Variants in CAMTA1 observed in about 807,000 individuals in gnomAD.
The protein encoded by CAMTA1 is calmodulin binding transcription activator 1.
Under a neutral mutation model 170.9 loss-of-function variants are expected in CAMTA1, and 27 were observed. That is an observed-to-expected ratio of 0.16 (90% CI 0.12 to 0.22). The LOEUF (loss-of-function observed/expected upper bound fraction) is 0.22, where lower values mean the gene tolerates loss of function less well. CAMTA1 is among the 10% of genes least tolerant of loss of function. The probability of loss-of-function intolerance (pLI) is 1.00; values close to 1 mark genes in which losing one functional copy is unlikely to be tolerated. For synonymous variants in CAMTA1, 833 were observed against 891.5 expected (o/e 0.93, Z 1.17); for missense variants, 1,619 against 2,217.2 (o/e 0.73, Z 5.42).
chr1:6,979,426 T>C (rs547947988), intron 3 of CAMTA1, among the ~76,000 whole-genome samples: 1 of 152,304 alleles, frequency 6.6e-6, no homozygotes, highest in East Asian at 1.9e-4. Context: ...ATTTAAACCG[T>C]GTGCATATGG....
At chr1:6,888,683 A>G (rs1464633058) in intron 3 of CAMTA1, among the ~76,000 whole-genome samples, 2 of 152,272 alleles carry the variant, frequency 1.3e-5, no homozygotes, top group Non-Finnish European at 2.9e-5. Context: ...GATTACTTAG[A>G]TAATACTAAC....
intron 1 of CAMTA1, among the ~76,000 whole-genome samples, chr1:6,797,569 C>G (rs1016098326): frequency 1.3e-5 from 2 of 150,464 alleles, no homozygotes; most frequent in Admixed American, 6.6e-5. Flanking sequence ...TTTTTTTTAG[C>G]AGAGACGGGG....
chr1:7,607,207 G>A (rs990203539), intron 6 of CAMTA1, among the ~76,000 whole-genome samples: 11 of 151,540 alleles, frequency 7.3e-5, no homozygotes, highest in African/African-American at 2.4e-4. Context: ...ATGGGTAGGT[G>A]GATGGATGGA....
chr1:7,185,086 G>A (rs1448228326), intron 4 of CAMTA1, among the ~76,000 whole-genome samples: 1 of 152,194 alleles, frequency 6.6e-6, no homozygotes, highest in Non-Finnish European at 1.5e-5. Context: ...AGTGAAGGGA[G>A]TTACACATAT....
At chr1:7,080,568 T>C (rs570134762) in intron 3 of CAMTA1, among the ~76,000 whole-genome samples, 3 of 152,290 alleles carry the variant, frequency 2.0e-5, no homozygotes, top group Non-Finnish European at 4.4e-5. Context: ...AGAGTTTTGC[T>C]CTGTCACTCA....
intron 1 of CAMTA1, among the ~76,000 whole-genome samples, chr1:6,812,207 C>A (rs560660281): frequency 2.6e-5 from 4 of 152,286 alleles, no homozygotes; most frequent in South Asian, 2.1e-4. Context: ...AGGGAGAGAA[C>A]CGTGTTTTCT....
At position 7,651,038 on chromosome 1, in the gene CAMTA1, G is replaced by A. The variant is rs116782557; in HGVS notation, c.664+10485G>A. Among the ~76,000 whole-genome samples, 624 of 152,226 alleles carry A rather than the reference G, an allele frequency of 4.1e-3. 9 individuals carry two copies. Among genetic ancestry groups the A allele is most frequent in the African/African-American group, 0.015 (605 of 41,536 alleles). Reference sequence around the variant, plus strand: ...GAGGCACGTGGCCGCTCCCTCTCCCGTCCGCCTCCGGCACGTGGTTCATAA... The same window carrying A: ...GAGGCACGTGGCCGCTCCCTCTCCCATCCGCCTCCGGCACGTGGTTCATAA... On this transcript the variant is annotated intron_variant, in intron 7 of 22. Coordinates refer to ENST00000303635, the MANE Select transcript of CAMTA1 (RefSeq NM_015215.4).
chr1:7,322,723 T>A (rs1430704633), intron 5 of CAMTA1, among the ~76,000 whole-genome samples: 1 of 152,270 alleles, frequency 6.6e-6, no homozygotes, highest in Non-Finnish European at 1.5e-5. Context: ...CTTCTTAGTC[T>A]CTGTTTCATC....
At chr1:7,640,912 G>A (rs2148937739) in intron 7 of CAMTA1, among the ~76,000 whole-genome samples, 1 of 152,316 alleles carries the variant, frequency 6.6e-6, no homozygotes, top group Middle Eastern at 3.4e-3. Context: ...AACAGGGGAG[G>A]GGTGGCGGGA....
intron 4 of CAMTA1, among the ~76,000 whole-genome samples, chr1:7,213,651 A>T (rs1211668384): frequency 6.6e-6 from 1 of 151,584 alleles, no homozygotes; most frequent in African/African-American, 2.4e-5. Flanking sequence ...GTACATATGC[A>T]CAACGTGCAG....
chr1:7,505,351 G>A (rs1226960441), intron 6 of CAMTA1, among the ~76,000 whole-genome samples: 1 of 152,190 alleles, frequency 6.6e-6, no homozygotes, highest in Non-Finnish European at 1.5e-5. Context: ...TGAGTTTAGG[G>A]CCTACCTGAG....
chr1:7,087,105 AG>A (rs1640854481), intron 3 of CAMTA1, among the ~76,000 whole-genome samples: 1 of 152,172 alleles, frequency 6.6e-6, no homozygotes, highest in African/African-American at 2.4e-5. Context: ...CTCTGTCAAG[AG>A]AGATAGACCA....
rs371450903 is a variant in CAMTA1, at chr1:7,732,452, C to A, written c.2919C>A (p.Asn973Lys). The change falls in exon 12 of 23, where the codon AAC (asparagine) becomes AAA (lysine). Residue 973 changes from asparagine (N) to lysine (K), a missense_variant. Asn to Lys is a moderately conservative substitution (Grantham distance 94). Transcript: ENST00000303635. This position sits in a 1 kb window ranked among gnomAD's most constrained non-coding sequence, Gnocchi z 4.1. ...CTTCCTCCTGCTCTGCCCTAGATAA[C>A]CAGTTCAGGATGTCCATCCTGGAAC... The part of the protein sequence containing the change: ...SQHDWLSLDD[N>K]QFRMSILERL... 6.2e-7 allele frequency: 1 copy of A among 1,613,674 alleles called. No individual in the cohort carries two copies. Among genetic ancestry groups the A allele is most frequent in the East Asian group, 2.2e-5 (1 of 44,872 alleles).
chr1:7,059,069 C>T (rs187138684), intron 3 of CAMTA1, among the ~76,000 whole-genome samples: 65 of 152,296 alleles, frequency 4.3e-4, no homozygotes, highest in Non-Finnish European at 8.1e-4. Flanking sequence ...CATCCGGGTT[C>T]CTGGGCTCTC....
At chr1:7,247,495 G>T (rs920304866) in intron 4 of CAMTA1, among the ~76,000 whole-genome samples, 1 of 152,158 alleles carries the variant, frequency 6.6e-6, no homozygotes, top group Non-Finnish European at 1.5e-5. Flanking sequence ...TTGGATCAAC[G>T]TCCAGTCTTC....
intron 6 of CAMTA1, among the ~76,000 whole-genome samples, chr1:7,597,469 C>T (rs138161132): frequency 6.6e-6 from 1 of 152,186 alleles, no homozygotes; most frequent in Admixed American, 6.5e-5. Context: ...AACTTCGCAA[C>T]CCCTGAGTAT....
intron 3 of CAMTA1, among the ~76,000 whole-genome samples, chr1:7,069,815 G>A (rs1337476359): frequency 1.3e-5 from 2 of 152,194 alleles, no homozygotes; most frequent in Non-Finnish European, 2.9e-5. Flanking sequence ...CTTACCCTGG[G>A]CCTAACTTGG....
At chr1:7,652,156 A>G (rs2095852400) in intron 7 of CAMTA1, among the ~76,000 whole-genome samples, 1 of 148,568 alleles carries the variant, frequency 6.7e-6, no homozygotes, top group African/African-American at 2.5e-5. Flanking sequence ...TTGGGTTTTT[A>G]TAGAAATTCC....
In CAMTA1 at chr1:7,736,981, A is replaced by T; in HGVS notation, c.3314A>T (p.Asn1105Ile). The T allele has an allele frequency of 6.2e-7, 1 of 1,613,496 alleles. No homozygotes were observed. The highest frequency in any genetic ancestry group is 8.5e-7 in the Non-Finnish European group (1 of 1,179,712). The change falls in exon 14 of 23, where the codon AAT (asparagine) becomes ATT (isoleucine). Residue 1105 changes from asparagine to isoleucine, a missense_variant. Asn to Ile is a moderately radical substitution (Grantham distance 149). This residue lies in a region of CAMTA1 where 60 missense variants were observed against 128.5 expected (regional missense o/e 0.47). Coordinates refer to ENST00000303635, the MANE Select transcript of CAMTA1 (RefSeq NM_015215.4). The surrounding 1 kb of genome is among the most constrained non-coding windows in gnomAD (Gnocchi z 4.5). ...IDLELEVDPL[N>I]VDHFSCTPLM... ...CTGGAACTGGAAGTTGACCCCTTGA[A>T]TGTGGACCACTTCTCCTGTACTCCT...
Sources: gnomAD v4.1 joint callset for allele counts (sites outside exome capture counted in the v4.1 genomes callset) on GRCh38, gnomAD v4.1.1 for gene constraint, gnomAD v4.1.1 regional missense constraint, Gnocchi (gnomAD v3.1) non-coding constraint, MANE v1.5 for transcripts, NCBI Gene and HGNC (gene_info 2026-07-23, HGNC 2026-07-21) for gene names.